SLC24A2: variants seen among roughly 807,000 people sequenced by gnomAD.
SLC24A2 encodes the protein sodium/potassium/calcium exchanger 2.
A neutral mutation model predicts 62.0 loss-of-function variants in SLC24A2; 36 were observed. The ratio of observed to expected loss-of-function variants is 0.58; its 90% CI spans 0.44 to 0.77. The LOEUF is 0.77. Among genes scored for constraint, SLC24A2 ranks in the 30% least tolerant of loss-of-function variants. SLC24A2 has a pLI of 0.00. For missense variants in SLC24A2, 846 were observed against 817.9 expected, an observed-to-expected ratio of 1.03 and a Z score of -0.42; for synonymous variants, 358 against 294.0, an observed-to-expected ratio of 1.22 and a Z score of -2.23.
chr9:19,617,515 T>G (rs781077311), intron 4 of SLC24A2, among the ~76,000 whole-genome samples: 3 of 152,180 alleles, frequency 2.0e-5, no homozygotes, highest in Admixed American at 6.5e-5. Flanking sequence ...AACAGAAACA[T>G]TTTCAAAAAT....
intron 2 of SLC24A2, among the ~76,000 whole-genome samples, chr9:19,677,910 A>G (rs1263429795): frequency 1.3e-5 from 2 of 151,974 alleles, no homozygotes; most frequent in African/African-American, 4.8e-5. Flanking sequence ...CATATAAAAT[A>G]TAAACACACA....
chr9:20,262,572 C>T, the SLC24A2 span, among the ~76,000 whole-genome samples: 1 of 152,348 alleles, frequency 6.6e-6, no homozygotes, highest in East Asian at 1.9e-4. Flanking sequence ...TACCTCAGTA[C>T]AGCCCAGAAA....
chr9:19,769,444 TAACATGAGTCACAGTG>T (rs1036191674), intron 2 of SLC24A2, among the ~76,000 whole-genome samples: 2 of 152,246 alleles, frequency 1.3e-5, no homozygotes, highest in African/African-American at 4.8e-5. Context: ...CCACTGTCTC[TAACATGAGTCACAGTG>T]AACATGAGTC....
the SLC24A2 span, among the ~76,000 whole-genome samples, chr9:19,863,276 C>A: frequency 1.3e-5 from 2 of 151,928 alleles, no homozygotes; most frequent in Admixed American, 1.3e-4. Flanking sequence ...AGAGCTAGAC[C>A]CCAATACGAT....
At chr9:19,527,257 T>C (rs1343661906) in intron 9 of SLC24A2, among the ~76,000 whole-genome samples, 1 of 152,230 alleles carries the variant, frequency 6.6e-6, no homozygotes, top group Non-Finnish European at 1.5e-5. Flanking sequence ...GTATGATTTT[T>C]GGAGTTGCAG....
At chr9:19,549,551 A>G (rs555466140) in intron 8 of SLC24A2, among the ~76,000 whole-genome samples, 1 of 152,326 alleles carries the variant, frequency 6.6e-6, no homozygotes, top group African/African-American at 2.4e-5. Flanking sequence ...ACATTTCACT[A>G]TCCTGAGGCT....
chr9:19,948,643 G>T, the SLC24A2 span, among the ~76,000 whole-genome samples: 1 of 151,678 alleles, frequency 6.6e-6, no homozygotes, highest in Non-Finnish European at 1.5e-5. Context: ...GGATCACGAG[G>T]TCAGGAGATC....
chr9:19,659,599 AT>A (rs1275891602), intron 2 of SLC24A2, among the ~76,000 whole-genome samples: 1 of 152,158 alleles, frequency 6.6e-6, no homozygotes, highest in Non-Finnish European at 1.5e-5. Flanking sequence ...AATAACAATC[AT>A]GGGTAAAACT....
chr9:19,987,226 C>T, the SLC24A2 span, among the ~76,000 whole-genome samples: 2 of 151,842 alleles, frequency 1.3e-5, no homozygotes, highest in African/African-American at 2.4e-5. Flanking sequence ...TGGAGGTGTG[C>T]GGGTAGAGAG....
At chr9:19,671,493 T>C (rs541614320) in intron 2 of SLC24A2, among the ~76,000 whole-genome samples, 9 of 152,284 alleles carry the variant, frequency 5.9e-5, no homozygotes, top group Non-Finnish European at 1.0e-4. Flanking sequence ...GATCATATCA[T>C]TGGCAAACAG....
At chr9:19,787,560 C>G (rs1823212138) in intron 1 of SLC24A2, among the ~76,000 whole-genome samples, 1 of 152,032 alleles carries the variant, frequency 6.6e-6, no homozygotes, top group South Asian at 2.1e-4. Flanking sequence ...ATTTAGTGAT[C>G]TTTTTTCTGC....
intron 8 of SLC24A2, among the ~76,000 whole-genome samples, chr9:19,533,820 C>T (rs1310739571): frequency 5.3e-5 from 8 of 152,200 alleles, no homozygotes; most frequent in Non-Finnish European, 1.0e-4. Flanking sequence ...GATACAAGGT[C>T]AAATCTAACA....
chr9:20,226,620 C>G, the SLC24A2 span, among the ~76,000 whole-genome samples: 1 of 152,032 alleles, frequency 6.6e-6, no homozygotes, highest in Non-Finnish European at 1.5e-5. Flanking sequence ...TGCACATATT[C>G]TCTTGGCTAT....
At chr9:20,078,580 A>G in the SLC24A2 span, among the ~76,000 whole-genome samples, 4 of 152,052 alleles carry the variant, frequency 2.6e-5, no homozygotes, top group Non-Finnish European at 5.9e-5. Context: ...CAACAATCCC[A>G]CCCAGGCAGG....
At chr9:19,536,121 C>T (rs566391434) in intron 8 of SLC24A2, among the ~76,000 whole-genome samples, 4 of 149,764 alleles carry the variant, frequency 2.7e-5, no homozygotes, top group Non-Finnish European at 4.4e-5. Context: ...TGAGAGTTCA[C>T]TCATGATTTG....
chr9:20,258,166 G>T, the SLC24A2 span, among the ~76,000 whole-genome samples: 2 of 152,184 alleles, frequency 1.3e-5, no homozygotes, highest in Non-Finnish European at 2.9e-5. Context: ...ACATCACATG[G>T]GAAAAGAGTC....
the SLC24A2 span, among the ~76,000 whole-genome samples, chr9:20,264,856 C>T: frequency 2.0e-5 from 3 of 152,356 alleles, no homozygotes; most frequent in East Asian, 1.9e-4. Context: ...GTATTAATGC[C>T]TTCCAGAGGT....
chr9:20,232,665 G>T, the SLC24A2 span, among the ~76,000 whole-genome samples: 4 of 151,998 alleles, frequency 2.6e-5, no homozygotes, highest in African/African-American at 7.3e-5. Flanking sequence ...TATCAATTTT[G>T]TTGATCCTTT....
chr9:19,517,384 G>A (rs1444736456), intron 10 of SLC24A2, among the ~76,000 whole-genome samples: 1 of 152,236 alleles, frequency 6.6e-6, no homozygotes, highest in East Asian at 1.9e-4. Context: ...TAGACTCAGG[G>A]TGTGGGAAGA....
Sources: gnomAD v4.1 joint callset for allele counts (sites outside exome capture counted in the v4.1 genomes callset) on GRCh38, gnomAD v4.1.1 for gene constraint, MANE v1.5 for transcripts, NCBI Gene and HGNC (gene_info 2026-07-23, HGNC 2026-07-21) for gene names.